Variants in ITPR1 observed in about 807,000 individuals in gnomAD.
The protein encoded by ITPR1 is inositol 1,4,5-trisphosphate-gated calcium channel ITPR1.
ITPR1 carries 96 observed loss-of-function variants against 318.4 expected under a neutral mutation model. The ratio of observed to expected loss-of-function variants is 0.30; its 90% CI spans 0.26 to 0.36. ITPR1 has a LOEUF of 0.36. Ranked by LOEUF, ITPR1 falls within the 10% of genes least tolerant of loss-of-function variation. The pLI is 1.00. For synonymous variants in ITPR1, 1,312 were observed against 1,289.9 expected (o/e 1.02, Z -0.37); for missense variants, 2,440 against 3,460.2 (o/e 0.71, Z 7.40).
chr3:4,814,229 G>A (rs574200595), intron 57 of ITPR1, 194 bp from the exon 58 acceptor site: 1 of 615,390 alleles, frequency 1.6e-6, no homozygotes, highest in African/African-American at 1.8e-5. Context: ...AAATTAGCGG[G>A]GGTTAGCGAT....
At chr3:4,568,102 AG>A (rs1312267279) in intron 4 of ITPR1, among the ~76,000 whole-genome samples, 1 of 152,168 alleles carries the variant, frequency 6.6e-6, no homozygotes, top group Non-Finnish European at 1.5e-5. Context: ...GAAGAGAAGG[AG>A]ATTAAGAGTC....
Position 4,582,532 on chromosome 3 carries a change from T to A in ITPR1, c.164-45231T>A, listed in dbSNP as rs574496962. Among the ~76,000 whole-genome samples, 34 of 152,256 alleles carry A rather than the reference T, an allele frequency of 2.2e-4. 1 individual carries two copies. In the South Asian group the frequency reaches 6.8e-3, roughly 31 times the overall value. On this transcript the variant is annotated intron_variant, in intron 4 of 61. Coordinates refer to ENST00000649015, the MANE Select transcript of ITPR1 (RefSeq NM_001378452.1). ...TGTGTGCTTCTCTATTCTGCTGAGA[T>A]TTGTGTTATCAGCTCCACACTTCAA...
intron 24 of ITPR1, among the ~76,000 whole-genome samples, chr3:4,678,134 C>A (rs2094221592): frequency 1.3e-5 from 2 of 151,960 alleles, no homozygotes; most frequent in African/African-American, 4.8e-5. Context: ...CTGAAATCAC[C>A]CTTTACCAAT....
intron 42 of ITPR1, among the ~76,000 whole-genome samples, chr3:4,732,015 T>C (rs1278574840): frequency 6.6e-6 from 1 of 152,188 alleles, no homozygotes; most frequent in African/African-American, 2.4e-5. Flanking sequence ...CCAGAGGAAC[T>C]CCGTGACTTG....
Position 4,683,422 on chromosome 3 carries a change from C to T in ITPR1, c.3198C>T (p.Gly1066=), listed in dbSNP as rs772629248. The T allele has an allele frequency of 9.5e-5, 154 of 1,613,926 alleles. No individual in the cohort carries two copies. In the East Asian group the frequency reaches 1.2e-3, roughly 12 times the overall value. The change falls in exon 27 of 62, where the codon GGC becomes GGT. Residue 1066 remains glycine, a synonymous_variant. Coordinates refer to ENST00000649015, the MANE Select transcript of ITPR1 (RefSeq NM_001378452.1). ...CCCCACTGGACTTGGATGACCACGG[C>T]GGCAGAACCTTTCTCCGTGTCCTGC... is the stretch of plus-strand genomic sequence containing the variant. ...ENTPLDLDDH[G]GRTFLRVLLH...
At chr3:4,693,359 T>C in intron 32 of ITPR1, 131 bp from the exon 33 acceptor site, 1 of 1,009,914 alleles carries the variant, frequency 9.9e-7, no homozygotes, top group Non-Finnish European at 1.5e-6. Flanking sequence ...ATGAATGAAG[T>C]CAAAATAGGT....
At chr3:4,844,742 A>G (rs1443292664) in intron 61 of ITPR1, among the ~76,000 whole-genome samples, 1 of 152,206 alleles carries the variant, frequency 6.6e-6, no homozygotes, top group Non-Finnish European at 1.5e-5. Context: ...TCCTAATCCA[A>G]TTCTTAATTA....
At chr3:4,698,890 G>T (rs2094599191) in intron 34 of ITPR1, among the ~76,000 whole-genome samples, 1 of 152,122 alleles carries the variant, frequency 6.6e-6, no homozygotes. Context: ...CCTCTCAATG[G>T]CAAATCTTAT....
intron 37 of ITPR1, among the ~76,000 whole-genome samples, chr3:4,709,190 C>T (rs929352599): frequency 6.6e-6 from 1 of 152,056 alleles, no homozygotes; most frequent in Non-Finnish European, 1.5e-5. Flanking sequence ...CAGAAATGAC[C>T]CTTTTTTGAC....
At chr3:4,497,254 T>C (rs373945718) in intron 2 of ITPR1, among the ~76,000 whole-genome samples, 155 of 152,328 alleles carry the variant, frequency 1.0e-3, no homozygotes, top group African/African-American at 3.5e-3. Flanking sequence ...CCATTCAACT[T>C]TGAGATTTCT....
chr3:4,588,986 C>G (rs1470132199), intron 4 of ITPR1, among the ~76,000 whole-genome samples: 1 of 152,156 alleles, frequency 6.6e-6, no homozygotes, highest in African/African-American at 2.4e-5. Context: ...TTGTGCTACC[C>G]AGACCATTGT....
At chr3:4,768,331 C>T (rs2045951194) in intron 45 of ITPR1, 180 bp from the exon 46 acceptor site, 1 of 627,948 alleles carries the variant, frequency 1.6e-6, no homozygotes, top group Non-Finnish European at 2.6e-6. Context: ...GTGGCAGGGC[C>T]TGGCTCGGTT....
At chr3:4,680,423 C>T in intron 24 of ITPR1, 130 bp from the exon 25 acceptor site, 3 of 752,116 alleles carry the variant, frequency 4.0e-6, no homozygotes, top group Non-Finnish European at 6.6e-6. Flanking sequence ...AAGCCAAATA[C>T]TTGGCTCACT....
chr3:4,564,263 A>G (rs1264317314), intron 4 of ITPR1, among the ~76,000 whole-genome samples: 1 of 152,082 alleles, frequency 6.6e-6, no homozygotes, highest in Non-Finnish European at 1.5e-5. Flanking sequence ...TTCTGAAGGC[A>G]TAGGAAGAAA....
At chr3:4,502,120 T>C (rs2081066478) in intron 2 of ITPR1, among the ~76,000 whole-genome samples, 1 of 152,206 alleles carries the variant, frequency 6.6e-6, no homozygotes, top group South Asian at 2.1e-4. Flanking sequence ...ACGACGGACA[T>C]TCATTTGTTT....
chr3:4,593,829 A>G lies in ITPR1; in HGVS notation c.164-33934A>G, dbSNP rs201908614. Among the ~76,000 whole-genome samples, 23 of 152,326 alleles carry G rather than the reference A, an allele frequency of 1.5e-4. No homozygotes were observed. In the East Asian group the frequency reaches 3.9e-3, roughly 26 times the overall value. On this transcript the variant is annotated intron_variant, in intron 4 of 61. Coordinates refer to ENST00000649015, the MANE Select transcript of ITPR1 (RefSeq NM_001378452.1). ...GATATGGTGGGAGAAGAAGCTGGAAATGTGAATTGAGGCCTATTGATTGCT... is the reference window on the plus strand; with the variant it reads ...GATATGGTGGGAGAAGAAGCTGGAAGTGTGAATTGAGGCCTATTGATTGCT...
At chr3:4,498,143 TG>T (rs1455572829) in intron 2 of ITPR1, among the ~76,000 whole-genome samples, 1 of 152,222 alleles carries the variant, frequency 6.6e-6, no homozygotes, top group Non-Finnish European at 1.5e-5. Context: ...CACAACAGTG[TG>T]AATGTACTTA....
At chr3:4,694,338 T>A (rs1320621796) in intron 33 of ITPR1, among the ~76,000 whole-genome samples, 1 of 150,214 alleles carries the variant, frequency 6.7e-6, no homozygotes, top group Non-Finnish European at 1.5e-5. Context: ...ATTTATGATA[T>A]ATAAAGTATA....
chr3:4,644,040 T>A lies in ITPR1; in HGVS notation c.526-96T>A, dbSNP rs1352869795. The A allele has an allele frequency of 3.9e-6, 3 of 774,228 alleles. No homozygotes were observed. The African/African-American group carries it at 5.2e-5, about 13-fold the overall frequency. The allele number at this position is 774,228 out of a possible 1,614,324, so 48.0% of individuals were successfully genotyped here. A position where few individuals can be genotyped will look rare whatever the true frequency, so the allele number is the denominator to read the frequency against. ...TTGCTGGGGATAGGCCTTGCCTTCT[T>A]CAGCACAGACTCATATGTCTTCTAG... is the stretch of plus-strand genomic sequence containing the variant. On this transcript the variant is annotated intron_variant, in intron 7 of 61. Transcript: ENST00000649015.
Sources: allele counts gnomAD v4.1 joint callset (sites outside exome capture counted in the v4.1 genomes callset), GRCh38; gene constraint gnomAD v4.1.1; transcripts MANE v1.5; gene names NCBI Gene and HGNC (gene_info 2026-07-23, HGNC 2026-07-21).